TTC5: variants seen among roughly 807,000 people sequenced by gnomAD.
The protein encoded by TTC5 is tetratricopeptide repeat domain 5.
A neutral mutation model predicts 57.4 loss-of-function variants in TTC5; 46 were observed. The observed-to-expected ratio is 0.80, with a 90% CI of 0.63 to 1.03. The LOEUF is 1.03. TTC5 is among the 50% of genes least tolerant of loss of function. The probability of loss-of-function intolerance (pLI) is 0.00; values close to 1 mark genes in which losing one functional copy is unlikely to be tolerated. For synonymous variants in TTC5, 190 were observed against 203.5 expected (o/e 0.93, Z 0.57); for missense variants, 504 against 528.1 (o/e 0.95, Z 0.45).
intron 1 of TTC5, among the ~76,000 whole-genome samples, chr14:20,302,510 T>C (rs367749700): frequency 2.6e-5 from 4 of 152,216 alleles, no homozygotes; most frequent in African/African-American, 9.6e-5. Flanking sequence ...AATTTGAACT[T>C]GGTAACTTTG....
In TTC5 at chr14:20,295,821, G is replaced by C. The variant is rs2138810294; in HGVS notation, c.730C>G (p.Leu244Val). ...GCTGCAGCCCGAGAGAAGCCCTCCA[G>C]GGCCTCCCCATAACTCTCTTCATAT... is the stretch of plus-strand genomic sequence containing the variant. ...HKYEESYGEA[L>V]EGFSRAAALD... Residue 244 changes from leucine (L) to valine (V), a missense_variant, in exon 7 of 10, where the codon CTG becomes GTG. Physicochemically the swap from Leu to Val is conservative, Grantham distance 32. Transcript: ENST00000258821. The C allele has an allele frequency of 6.3e-7, 1 of 1,598,744 alleles. No individual in the cohort carries two copies. The highest frequency in any genetic ancestry group is 2.2e-5 in the East Asian group (1 of 44,836).
At position 20,289,453 on chromosome 14, in the gene TTC5, A is replaced by G; in HGVS notation, c.*174T>C. ...ATGTGGCCCTGTAGAGAGCTGGAACATGATGAGGACAGAGGAGAGAGAAGA... is the reference window on the plus strand; with the variant it reads ...ATGTGGCCCTGTAGAGAGCTGGAACGTGATGAGGACAGAGGAGAGAGAAGA... On this transcript the variant is annotated 3_prime_UTR_variant, in exon 10 of 10. Transcript: ENST00000258821. 1 of 649,740 alleles carries G rather than the reference A, an allele frequency of 1.5e-6. No individual in the cohort carries two copies. 40.2% of individuals were successfully genotyped at this position (649,740 alleles called of 1,614,324 possible). A position where few individuals can be genotyped will look rare whatever the true frequency, so the allele number is the denominator to read the frequency against.
At position 20,304,350 on chromosome 14, in the gene TTC5, C is replaced by T. The variant is rs376529061; in HGVS notation, c.51+1537G>A. ...TTATTGTATTATATCCAAGACCCAGCCTGCAGAGACTCTGATTTTAACAGT... is the reference window on the plus strand; with the variant it reads ...TTATTGTATTATATCCAAGACCCAGTCTGCAGAGACTCTGATTTTAACAGT... On this transcript the variant is annotated intron_variant, in intron 1 of 9. Coordinates refer to ENST00000258821, the MANE Select transcript of TTC5 (RefSeq NM_138376.3). Among the ~76,000 whole-genome samples the T allele has an allele frequency of 3.9e-5, 6 of 152,300 alleles. No homozygotes were observed. The East Asian group carries it at 9.6e-4, about 24-fold the overall frequency.
chr14:20,294,145 T>G (rs1254131737), intron 8 of TTC5: 3 of 152,136 alleles, frequency 2.0e-5, no homozygotes, highest in African/African-American at 7.2e-5. Flanking sequence ...CTCAGAATCC[T>G]TCTACACAGT....
Position 20,300,825 on chromosome 14 carries a change from G to A in TTC5, c.185-7C>T, listed in dbSNP as rs1236884002. 5.1e-6 allele frequency: 8 copies of A among 1,575,226 alleles called. No homozygotes were observed. In the Admixed American group the frequency reaches 6.0e-5, roughly 12 times the overall value. On this transcript the variant is annotated splice_polypyrimidine_tract_variant and splice_region_variant and intron_variant, in intron 2 of 9. Transcript: ENST00000258821. ...GCCTTGCCCTGGACAGAACCTAAGA[G>A]GAAGAAAAAAAGATAAAGTGGGAAA... is the stretch of plus-strand genomic sequence containing the variant.
chr14:20,303,768 T>C (rs902044081), intron 1 of TTC5, among the ~76,000 whole-genome samples: 2 of 152,300 alleles, frequency 1.3e-5, no homozygotes, highest in South Asian at 2.1e-4. Context: ...TGAGCTGACC[T>C]ACCACCACCC....
chr14:20,297,638 T>C (rs12437076), intron 5 of TTC5, among the ~76,000 whole-genome samples: 27,232 of 151,944 alleles, frequency 0.18, 2,518 homozygotes, highest in South Asian at 0.21. Flanking sequence ...GGGCATGGTG[T>C]GGCACGTGCC....
At chr14:20,303,190 C>CA (rs1239436297) in intron 1 of TTC5, among the ~76,000 whole-genome samples, 2,976 of 99,162 alleles carry the variant, frequency 0.03, 84 homozygotes, top group African/African-American at 0.089. Context: ...GACTCCGTCT[C>CA]AAAAAAAAAA....
chr14:20,295,018 G>T, intron 8 of TTC5: 1 of 326,484 alleles, frequency 3.1e-6, no homozygotes, highest in Non-Finnish European at 5.8e-6. Context: ...GAATTTTGAG[G>T]TTTCTGTCTT....
chr14:20,296,663 ATAT>A (rs1226359096), intron 5 of TTC5, among the ~76,000 whole-genome samples: 2 of 152,226 alleles, frequency 1.3e-5, no homozygotes, highest in Non-Finnish European at 1.5e-5. Context: ...AGACTTCAAA[ATAT>A]TATTATAATT....
At chr14:20,302,898 C>G (rs990948710) in intron 1 of TTC5, among the ~76,000 whole-genome samples, 2 of 147,570 alleles carry the variant, frequency 1.4e-5, no homozygotes, top group Admixed American at 6.7e-5. Flanking sequence ...TTTTTTTTTT[C>G]TTTTTTAAAA....
chr14:20,297,009 C>CA (rs1771999828), intron 5 of TTC5, among the ~76,000 whole-genome samples: 1 of 151,280 alleles, frequency 6.6e-6, no homozygotes, highest in East Asian at 1.9e-4. Context: ...GACTTCATCT[C>CA]AAAAAAAATA....
chr14:20,305,603 A>T (rs1159939722), intron 1 of TTC5: 6 of 528,304 alleles, frequency 1.1e-5, no homozygotes, highest in Non-Finnish European at 2.0e-5. Flanking sequence ...GCTATGGATG[A>T]ATCGAGAAAA....
rs1206700268 is a variant in TTC5, at chr14:20,305,759, T to TA, written c.51+127dup. On this transcript the variant is annotated intron_variant, in intron 1 of 9. Transcript: ENST00000258821. ...CTGCGGCTGCACCCTCGAGGGTTGT[T>TA]ATAGTAACCACACAGACGCACGCAG... 5.0e-6 allele frequency: 5 copies of TA among 1,001,340 alleles called. No homozygotes were observed. The African/African-American group carries it at 8.0e-5, about 16-fold the overall frequency. 62.0% of individuals were successfully genotyped at this position (1,001,340 alleles called of 1,614,324 possible). A position where few individuals can be genotyped will look rare whatever the true frequency, so the allele number is the denominator to read the frequency against.
intron 9 of TTC5, among the ~76,000 whole-genome samples, chr14:20,290,617 A>C (rs905668427): frequency 6.6e-6 from 1 of 152,220 alleles, no homozygotes; most frequent in Admixed American, 6.5e-5. Flanking sequence ...ACAATTTTCC[A>C]AAGAATTATT....
In TTC5 at chr14:20,289,472, G is replaced by T; in HGVS notation, c.*155C>A. On this transcript the variant is annotated 3_prime_UTR_variant, in exon 10 of 10. Transcript: ENST00000258821. Reference sequence around the variant, plus strand: ...TGGAACATGATGAGGACAGAGGAGAGAGAAGAGATACGAAGTGTAATACAG... The same window carrying T: ...TGGAACATGATGAGGACAGAGGAGATAGAAGAGATACGAAGTGTAATACAG... The T allele has an allele frequency of 2.3e-6, 2 of 857,004 alleles. No individual in the cohort carries two copies. The highest frequency in any genetic ancestry group is 3.4e-6 in the Non-Finnish European group (2 of 580,898). The allele number at this position is 857,004 out of a possible 1,614,324, so 53.1% of individuals were successfully genotyped here.
In TTC5 at chr14:20,288,308, C is replaced by A. The variant is rs1881881313; in HGVS notation, c.*1319G>T. 1 of 152,230 alleles carries A rather than the reference C, an allele frequency of 6.6e-6. No individual in the cohort carries two copies. The highest frequency in any genetic ancestry group is 1.5e-5 in the Non-Finnish European group (1 of 68,050). 9.4% of individuals were successfully genotyped at this position (152,230 alleles called of 1,614,324 possible). ...AATTTAATGAGTCATCAATGATATTCAAGGCACTGATCAAAAACTGAACAG... is the reference window on the plus strand; with the variant it reads ...AATTTAATGAGTCATCAATGATATTAAAGGCACTGATCAAAAACTGAACAG... On this transcript the variant is annotated 3_prime_UTR_variant, in exon 10 of 10. Coordinates refer to ENST00000258821, the MANE Select transcript of TTC5 (RefSeq NM_138376.3).
intron 3 of TTC5, among the ~76,000 whole-genome samples, chr14:20,300,164 T>TATATATATATATAG (rs1882157773): frequency 1.4e-5 from 1 of 71,692 alleles, no homozygotes; most frequent in African/African-American, 4.8e-5. Context: ...TATTTTTTTT[T>TATATATATATATAG]TTTTTTTTTT....
In TTC5 at chr14:20,286,325, AC is replaced by A. The variant is rs1566386470; in HGVS notation, c.*3301del. 6.6e-6 allele frequency: 1 copy of A among 152,184 alleles called. No homozygotes were observed. Among genetic ancestry groups the A allele is most frequent in the Non-Finnish European group, 1.5e-5 (1 of 68,014 alleles). The allele number at this position is 152,184 out of a possible 1,614,324, so 9.4% of individuals were successfully genotyped here. A position where few individuals can be genotyped will look rare whatever the true frequency, so the allele number is the denominator to read the frequency against. ...AAGAAGACAACCCAATAAAAATTGG[AC>A]AAAAGAAAACAGAGATTTCATAGAA... On this transcript the variant is annotated 3_prime_UTR_variant, in exon 10 of 10. Coordinates refer to ENST00000258821, the MANE Select transcript of TTC5 (RefSeq NM_138376.3).
Sources: allele counts gnomAD v4.1 joint callset (sites outside exome capture counted in the v4.1 genomes callset), GRCh38; gene constraint gnomAD v4.1.1; transcripts MANE v1.5; gene names NCBI Gene and HGNC (gene_info 2026-07-23, HGNC 2026-07-21).